Variants in PDE2A observed in about 807,000 individuals in gnomAD.
PDE2A encodes cGMP-dependent 3',5'-cyclic phosphodiesterase.
PDE2A carries 53 observed loss-of-function variants against 133.6 expected under a neutral mutation model. That is an observed-to-expected ratio of 0.40 (90% CI 0.32 to 0.50). The LOEUF (loss-of-function observed/expected upper bound fraction) is 0.50. PDE2A is among the 20% of genes least tolerant of loss of function. The pLI is 0.73. For missense variants in PDE2A, 796 were observed against 1,232.4 expected (o/e 0.65, Z 5.30); for synonymous variants, 491 against 490.2 (o/e 1.00, Z -0.02).
At chr11:72,644,111 C>G (rs1859062904) in intron 1 of PDE2A, among the ~76,000 whole-genome samples, 1 of 152,116 alleles carries the variant, frequency 6.6e-6, no homozygotes, top group Non-Finnish European at 1.5e-5. Flanking sequence ...CCAGATCCTT[C>G]CCTCCTGCCT....
intron 1 of PDE2A, among the ~76,000 whole-genome samples, chr11:72,646,949 C>T (rs926277762): frequency 6.6e-6 from 1 of 152,190 alleles, no homozygotes; most frequent in Non-Finnish European, 1.5e-5. Context: ...AAGAAAACTG[C>T]CATCCAACGA....
intron 1 of PDE2A, among the ~76,000 whole-genome samples, chr11:72,660,885 C>T (rs1237714424): frequency 6.6e-6 from 1 of 151,894 alleles, no homozygotes. Flanking sequence ...TGGCAAGGGG[C>T]AAGGCCAGCT....
intron 2 of PDE2A, among the ~76,000 whole-genome samples, chr11:72,641,360 C>A (rs553739188): frequency 6.6e-6 from 1 of 152,296 alleles, no homozygotes; most frequent in Admixed American, 6.5e-5. Context: ...GGGACACTAG[C>A]CCTGCTCTCT....
intron 2 of PDE2A, among the ~76,000 whole-genome samples, chr11:72,635,068 G>A (rs1022477027): frequency 6.6e-6 from 1 of 152,232 alleles, no homozygotes; most frequent in Admixed American, 6.5e-5. Flanking sequence ...GGGCTGGGAG[G>A]AAAGGGTAGT....
At chr11:72,617,697 G>A (rs936033877) in intron 2 of PDE2A, among the ~76,000 whole-genome samples, 3 of 152,180 alleles carry the variant, frequency 2.0e-5, no homozygotes, top group Non-Finnish European at 2.9e-5. Flanking sequence ...CATAAGAGCC[G>A]GTAGGGAACC....
At chr11:72,639,131 G>A (rs780085487) in intron 2 of PDE2A, among the ~76,000 whole-genome samples, 10 of 152,198 alleles carry the variant, frequency 6.6e-5, no homozygotes, top group Non-Finnish European at 1.3e-4. Flanking sequence ...AGGCAGCCCA[G>A]TAGGGTTTTC....
At chr11:72,613,113 G>C (rs1857292011) in intron 2 of PDE2A, among the ~76,000 whole-genome samples, 1 of 152,122 alleles carries the variant, frequency 6.6e-6, no homozygotes, top group Non-Finnish European at 1.5e-5. Flanking sequence ...GATCTTTCCT[G>C]TTTCATCTTC....
At chr11:72,670,047 C>A (rs116443271) in intron 1 of PDE2A, among the ~76,000 whole-genome samples, 1 of 152,176 alleles carries the variant, frequency 6.6e-6, no homozygotes, top group South Asian at 2.1e-4. Context: ...GGGCTTCCCC[C>A]CAGCCTGGCA....
chr11:72,606,513 C>T (rs171021), intron 3 of PDE2A, among the ~76,000 whole-genome samples: 41,624 of 152,082 alleles, frequency 0.27, 5,856 homozygotes, highest in South Asian at 0.31. Flanking sequence ...AGACACTGAG[C>T]CAGGTTCCGT....
intron 2 of PDE2A, among the ~76,000 whole-genome samples, chr11:72,612,054 G>A (rs894514233): frequency 6.6e-6 from 1 of 152,110 alleles, no homozygotes; most frequent in Non-Finnish European, 1.5e-5. Context: ...GCTCAAGTCA[G>A]GGGGCTTCGA....
At chr11:72,636,149 G>C (rs1205791852) in intron 2 of PDE2A, 2 of 1,158,544 alleles carry the variant, frequency 1.7e-6, no homozygotes, top group Non-Finnish European at 2.2e-6. Flanking sequence ...TGCAGAGGAG[G>C]GGCCCTGCCG....
At chr11:72,589,546 T>C (rs186070655) in intron 11 of PDE2A, among the ~76,000 whole-genome samples, 27 of 152,330 alleles carry the variant, frequency 1.8e-4, no homozygotes, top group African/African-American at 6.5e-4. Context: ...AGCCTTTCTG[T>C]AGATGCTAAG....
chr11:72,597,756 G>A lies in PDE2A; in HGVS notation c.324-137C>T, dbSNP rs953641227. ...AGCTGACCTGCCTCAGGTTGGACAC[G>A]ATGACAGCACAAGTAAAAAAGTAGG... On this transcript the variant is annotated intron_variant, in intron 4 of 30. Coordinates refer to ENST00000334456, the MANE Select transcript of PDE2A (RefSeq NM_002599.5). This position sits in a 1 kb window ranked among gnomAD's most constrained non-coding sequence, Gnocchi z 4.6. The A allele has an allele frequency of 4.1e-5, 25 of 607,196 alleles. 1 individual carries two copies. In the Admixed American group the frequency reaches 6.0e-4, roughly 14 times the overall value. The allele number at this position is 607,196 out of a possible 1,614,324, so 37.6% of individuals were successfully genotyped here.
intron 3 of PDE2A, among the ~76,000 whole-genome samples, chr11:72,607,905 A>G (rs1344300750): frequency 6.6e-6 from 1 of 152,092 alleles, no homozygotes; most frequent in African/African-American, 2.4e-5. Context: ...CAGGCTTCAA[A>G]CGTCCCCTGC....
Position 72,584,266 on chromosome 11 carries a change from A to G in PDE2A, c.1585T>C (p.Phe529Leu). The G allele has an allele frequency of 1.2e-6, 2 of 1,613,610 alleles. No homozygotes were observed. Among genetic ancestry groups the G allele is most frequent in the Non-Finnish European group, 1.7e-6 (2 of 1,179,632 alleles). The change falls in exon 19 of 31, where the codon TTC becomes CTC. Residue 529 changes from phenylalanine to leucine, a missense_variant. Transcript: ENST00000334456. Reference protein sequence around the residue: ...ELVNKINGPWFSKFDEDLATA... With the variant: ...ELVNKINGPWLSKFDEDLATA... Reference sequence around the variant, plus strand: ...GCCAGGTCCTCGTCGAACTTGCTGAACCATGGCCCATTGATCTTGTTCACC... The same window carrying G: ...GCCAGGTCCTCGTCGAACTTGCTGAGCCATGGCCCATTGATCTTGTTCACC...
chr11:72,595,652 A>T (rs1856446577), intron 6 of PDE2A, among the ~76,000 whole-genome samples: 1 of 152,066 alleles, frequency 6.6e-6, no homozygotes, highest in Non-Finnish European at 1.5e-5. Flanking sequence ...CGGGGAACCA[A>T]CACCTGCTCA....
At chr11:72,596,466 T>TCA (rs1856484020) in intron 6 of PDE2A, 127 bp downstream of exon 6, 2 of 135,012 alleles carry the variant, frequency 1.5e-5, no homozygotes, top group Non-Finnish European at 2.5e-5. Context: ...CATCTCTCTC[T>TCA]CTCTCTCTCT....
rs1224265335 is a variant in PDE2A at position 72,662,484 on chromosome 11, G to T, written c.71+11653C>A. Among the ~76,000 whole-genome samples the T allele has an allele frequency of 4.6e-5, 7 of 152,234 alleles. No individual in the cohort carries two copies. In the South Asian group the frequency reaches 1.4e-3, roughly 32 times the overall value. On this transcript the variant is annotated intron_variant, in intron 1 of 30. Coordinates refer to ENST00000334456, the MANE Select transcript of PDE2A (RefSeq NM_002599.5). ...ATCAGATTTGGCAGTGGAGGGGTCA[G>T]AGTGTTATCAAGAGATATGCAACGG... is the stretch of plus-strand genomic sequence containing the variant.
At position 72,578,210 on chromosome 11, in the gene PDE2A, C is replaced by T; in HGVS notation, c.2615+23G>A. ...CCTACCCTCTCTGTGCAGGGTGCAG[C>T]TTGTCCCCATGAGCTCACTCACTTG... On this transcript the variant is annotated intron_variant, in intron 30 of 30. Coordinates refer to ENST00000334456, the MANE Select transcript of PDE2A (RefSeq NM_002599.5). This position sits in a 1 kb window ranked among gnomAD's most constrained non-coding sequence, Gnocchi z 4.2. 1 of 1,438,380 alleles carries T rather than the reference C, an allele frequency of 7.0e-7. No individual in the cohort carries two copies. The highest frequency in any genetic ancestry group is 9.8e-7 in the Non-Finnish European group (1 of 1,018,926). 89.1% of individuals were successfully genotyped at this position (1,438,380 alleles called of 1,614,324 possible). A position where few individuals can be genotyped will look rare whatever the true frequency, so the allele number is the denominator to read the frequency against.
Sources: gnomAD v4.1 joint callset for allele counts (sites outside exome capture counted in the v4.1 genomes callset) on GRCh38, gnomAD v4.1.1 for gene constraint, Gnocchi (gnomAD v3.1) non-coding constraint, MANE v1.5 for transcripts, NCBI Gene and HGNC (gene_info 2026-07-23, HGNC 2026-07-21) for gene names.